USP32: variants seen among roughly 807,000 people sequenced by gnomAD.
USP32 encodes the protein ubiquitin specific peptidase 32.
Under a neutral mutation model 204.8 loss-of-function variants are expected in USP32, and 59 were observed. The observed-to-expected ratio is 0.29, with a 90% confidence interval of 0.23 to 0.36. The LOEUF is 0.36. Among genes scored for constraint, USP32 ranks in the 10% least tolerant of loss-of-function variants. The pLI, the probability that USP32 is intolerant of heterozygous loss-of-function variation, is 1.00. For missense variants in USP32, 1,160 were observed against 1,946.4 expected, an observed-to-expected ratio of 0.60 and a Z score of 7.60; for synonymous variants, 517 against 678.4, an observed-to-expected ratio of 0.76 and a Z score of 3.70.
At chr17:60,355,369 T>C (rs1379949282) in intron 1 of USP32, among the ~76,000 whole-genome samples, 1 of 152,172 alleles carries the variant, frequency 6.6e-6, no homozygotes, top group African/African-American at 2.4e-5. Flanking sequence ...ACATGACTTT[T>C]GTATTTTAGG....
chr17:60,390,478 C>T (rs940084254), intron 1 of USP32, among the ~76,000 whole-genome samples: 1 of 152,012 alleles, frequency 6.6e-6, no homozygotes, highest in Non-Finnish European at 1.5e-5. Context: ...CATATTGGGG[C>T]AGACAAAAAA....
chr17:60,224,859 A>G (rs1313310691), intron 13 of USP32, among the ~76,000 whole-genome samples: 2 of 152,196 alleles, frequency 1.3e-5, no homozygotes, highest in Non-Finnish European at 2.9e-5. Context: ...CAATCAACTC[A>G]ATTCAGCTGG....
intron 5 of USP32, among the ~76,000 whole-genome samples, chr17:60,286,338 G>A (rs1567828177): frequency 6.6e-6 from 1 of 152,138 alleles, no homozygotes; most frequent in South Asian, 2.1e-4. Flanking sequence ...GGATCTTGAG[G>A]TAAAATTATC....
chr17:60,266,636 A>G (rs1019623793), intron 7 of USP32, among the ~76,000 whole-genome samples: 3 of 146,748 alleles, frequency 2.0e-5, no homozygotes, highest in African/African-American at 7.6e-5. Context: ...TTACAGGAGC[A>G]CACCACAACA....
At chr17:60,290,208 T>C (rs1276144066) in intron 4 of USP32, among the ~76,000 whole-genome samples, 1 of 152,198 alleles carries the variant, frequency 6.6e-6, no homozygotes, top group African/African-American at 2.4e-5. Context: ...AACTGAAGTT[T>C]GCCAGCTCCC....
intron 2 of USP32, among the ~76,000 whole-genome samples, chr17:60,302,097 TATAA>T (rs2087592992): frequency 6.8e-6 from 1 of 147,910 alleles, no homozygotes; most frequent in South Asian, 2.2e-4. Context: ...AGCACATATA[TATAA>T]ATATTTTGTT....
At chr17:60,381,799 T>C (rs2089651629) in intron 1 of USP32, among the ~76,000 whole-genome samples, 1 of 152,204 alleles carries the variant, frequency 6.6e-6, no homozygotes, top group South Asian at 2.1e-4. Flanking sequence ...TTTTTAGGGA[T>C]GCATCCAAGG....
At chr17:60,407,708 G>A (rs572248140) in intron 1 of USP32, among the ~76,000 whole-genome samples, 2 of 150,782 alleles carry the variant, frequency 1.3e-5, no homozygotes, top group South Asian at 2.1e-4. Context: ...CTTGAACCCA[G>A]GAGGCGGAGG....
intron 11 of USP32, among the ~76,000 whole-genome samples, chr17:60,251,638 A>G (rs2086170047): frequency 1.3e-5 from 2 of 152,230 alleles, no homozygotes; most frequent in African/African-American, 4.8e-5. Flanking sequence ...GCAATGAAAG[A>G]CACTCAAGTT....
intron 11 of USP32, among the ~76,000 whole-genome samples, chr17:60,248,169 G>T (rs1263714439): frequency 6.7e-6 from 1 of 149,122 alleles, no homozygotes; most frequent in Non-Finnish European, 1.5e-5. Context: ...TTGCTTTTTT[G>T]GTTTTTTCCT....
At chr17:60,353,290 C>A (rs1455120974) in intron 1 of USP32, among the ~76,000 whole-genome samples, 1 of 152,122 alleles carries the variant, frequency 6.6e-6, no homozygotes. Flanking sequence ...AGAGCCCTCA[C>A]CAAAAACAAA....
intron 26 of USP32, 35 bp downstream of exon 26, chr17:60,205,412 A>C (rs1382395992): frequency 1.9e-6 from 3 of 1,599,812 alleles, no homozygotes; most frequent in Non-Finnish European, 2.6e-6. Flanking sequence ...TGACACTAGC[A>C]AGACTGGCAG....
chr17:60,363,907 C>CA (rs1567876219), intron 1 of USP32, among the ~76,000 whole-genome samples: 1 of 151,950 alleles, frequency 6.6e-6, no homozygotes, highest in East Asian at 1.9e-4. Context: ...GTTGGGGGGG[C>CA]ACCTTACAGA....
chr17:60,297,022 C>A (rs1216793806), intron 3 of USP32, among the ~76,000 whole-genome samples: 4 of 152,124 alleles, frequency 2.6e-5, no homozygotes, highest in Non-Finnish European at 4.4e-5. Context: ...GACTGACAGA[C>A]TCTTTGTGGC....
intron 10 of USP32, among the ~76,000 whole-genome samples, chr17:60,254,455 C>G (rs1428002628): frequency 6.6e-6 from 1 of 152,140 alleles, no homozygotes; most frequent in Non-Finnish European, 1.5e-5. Context: ...AATTGCAGCA[C>G]TTTGGGAGGC....
At chr17:60,234,239 G>A (rs952177538) in intron 12 of USP32, among the ~76,000 whole-genome samples, 1 of 150,660 alleles carries the variant, frequency 6.6e-6, no homozygotes, top group Non-Finnish European at 1.5e-5. Context: ...TCACCCTCCC[G>A]AGTAGCTGGG....
chr17:60,225,821 G>A (rs978361959), intron 13 of USP32, among the ~76,000 whole-genome samples: 2 of 152,136 alleles, frequency 1.3e-5, no homozygotes, highest in Non-Finnish European at 1.5e-5. Context: ...AGGCGTGGTG[G>A]CGGGTGCCTG....
chr17:60,333,156 C>T, intron 2 of USP32, among the ~76,000 whole-genome samples: 1 of 152,188 alleles, frequency 6.6e-6, no homozygotes, highest in Non-Finnish European at 1.5e-5. Flanking sequence ...GGTTGAAAAT[C>T]TGAGTATAAC....
chr17:60,398,660 AT>A (rs202079564), intron 1 of USP32, among the ~76,000 whole-genome samples: 2 of 151,598 alleles, frequency 1.3e-5, no homozygotes, highest in Non-Finnish European at 2.9e-5. Flanking sequence ...TACAAAGATG[AT>A]TTTTTTTTAA....
Sources: gnomAD v4.1 joint callset for allele counts (sites outside exome capture counted in the v4.1 genomes callset) on GRCh38, gnomAD v4.1.1 for gene constraint, MANE v1.5 for transcripts, NCBI Gene and HGNC (gene_info 2026-07-23, HGNC 2026-07-21) for gene names.